TEAD1: variants seen among roughly 807,000 people sequenced by gnomAD.
TEAD1 encodes the protein TEA domain transcription factor 1.
A neutral mutation model predicts 54.9 loss-of-function variants in TEAD1; 9 were observed. The observed-to-expected ratio is 0.16, with a 90% CI of 0.10 to 0.29. TEAD1 has a LOEUF of 0.29. Ranked by LOEUF, TEAD1 falls within the 10% of genes least tolerant of loss-of-function variation. The pLI is 1.00. For missense variants in TEAD1, 387 were observed against 535.9 expected (o/e 0.72, Z 2.74); for synonymous variants, 200 against 187.8 (o/e 1.07, Z -0.53).
chr11:12,719,949 G>GTTTTTTTTTTTTT (rs1200965763), intron 2 of TEAD1, among the ~76,000 whole-genome samples: 1 of 40,016 alleles, frequency 2.5e-5, no homozygotes, highest in African/African-American at 5.5e-5. Context: ...GAAATCTAAT[G>GTTTTTTTTTTTTT]TTTTTTTTTT....
chr11:12,798,416 A>G (rs528595368), intron 3 of TEAD1, among the ~76,000 whole-genome samples: 21 of 152,196 alleles, frequency 1.4e-4, no homozygotes, highest in Middle Eastern at 3.4e-3. Context: ...CTGGTGTTCT[A>G]TTTCCTCAGT....
intron 3 of TEAD1, among the ~76,000 whole-genome samples, chr11:12,777,894 C>G (rs16911580): frequency 1.3e-5 from 2 of 152,090 alleles, no homozygotes; most frequent in African/African-American, 4.8e-5. Flanking sequence ...GTTGAACATA[C>G]GCATTGTGAT....
chr11:12,786,170 A>G (rs1945673212), intron 3 of TEAD1, among the ~76,000 whole-genome samples: 1 of 152,182 alleles, frequency 6.6e-6, no homozygotes, highest in Non-Finnish European at 1.5e-5. Context: ...CTTTGCTGAG[A>G]CCAAGCCAAA....
In TEAD1 at chr11:12,938,864, G is replaced by A. The variant is rs916869223; in HGVS notation, c.*1642G>A. The stretch of plus-strand genomic sequence containing the variant: ...GTGGTAGGAACATGTGCACACAATA[G>A]AACATGAAATAAGTTTTTTAACTTG... On this transcript the variant is annotated 3_prime_UTR_variant, in exon 13 of 13. Coordinates refer to ENST00000527636, the MANE Select transcript of TEAD1 (RefSeq NM_021961.6). 10 of 152,208 alleles carry A rather than the reference G, an allele frequency of 6.6e-5. No homozygotes were observed. Among genetic ancestry groups the A allele is most frequent in the African/African-American group, 2.4e-4 (10 of 41,460 alleles). 9.4% of individuals were successfully genotyped at this position (152,208 alleles called of 1,614,324 possible).
chr11:12,720,986 A>G (rs1473798222), intron 2 of TEAD1, among the ~76,000 whole-genome samples: 1 of 152,130 alleles, frequency 6.6e-6, no homozygotes, highest in Non-Finnish European at 1.5e-5. Context: ...TGTACCTTGG[A>G]TTTCCTTTGG....
intron 3 of TEAD1, among the ~76,000 whole-genome samples, chr11:12,858,453 G>A (rs1338736849): frequency 1.3e-5 from 2 of 152,134 alleles, no homozygotes; most frequent in Non-Finnish European, 2.9e-5. Context: ...CAATGAAGTA[G>A]CTCATTTAGA....
At chr11:12,746,499 A>G (rs1233115327) in intron 2 of TEAD1, among the ~76,000 whole-genome samples, 1 of 152,268 alleles carries the variant, frequency 6.6e-6, no homozygotes, top group Non-Finnish European at 1.5e-5. Context: ...TTTAGAGTTA[A>G]GTATAATATA....
At chr11:12,917,237 G>C (rs777199703) in intron 10 of TEAD1, among the ~76,000 whole-genome samples, 1 of 152,110 alleles carries the variant, frequency 6.6e-6, no homozygotes, top group Non-Finnish European at 1.5e-5. Flanking sequence ...GGTGTTTCTG[G>C]CTTTGAAAAT....
chr11:12,877,738 C>T (rs1229131965), intron 5 of TEAD1, among the ~76,000 whole-genome samples: 1 of 149,688 alleles, frequency 6.7e-6, no homozygotes, highest in Non-Finnish European at 1.5e-5. Flanking sequence ...TCCTTTTTTC[C>T]TCCCTTCCTC....
At chr11:12,738,328 G>A (rs547794617) in intron 2 of TEAD1, among the ~76,000 whole-genome samples, 2 of 152,272 alleles carry the variant, frequency 1.3e-5, no homozygotes, top group South Asian at 4.1e-4. Flanking sequence ...TAAAAATTTA[G>A]CATCAATAAA....
intron 5 of TEAD1, among the ~76,000 whole-genome samples, chr11:12,876,508 A>G (rs983906885): frequency 1.3e-5 from 2 of 152,146 alleles, no homozygotes; most frequent in Non-Finnish European, 2.9e-5. Flanking sequence ...GAGAGGATCC[A>G]CGATGTTCTT....
chr11:12,763,830 G>A (rs1036889360), intron 2 of TEAD1, among the ~76,000 whole-genome samples: 1 of 152,216 alleles, frequency 6.6e-6, no homozygotes, highest in African/African-American at 2.4e-5. Context: ...CTCCGAGTGA[G>A]TACCATTCTT....
chr11:12,882,159 C>T (rs1947986171), intron 8 of TEAD1, among the ~76,000 whole-genome samples: 1 of 152,174 alleles, frequency 6.6e-6, no homozygotes, highest in Non-Finnish European at 1.5e-5. Flanking sequence ...AAGAGCTTTT[C>T]AGATGGTTTG....
intron 3 of TEAD1, among the ~76,000 whole-genome samples, chr11:12,787,695 A>C (rs2133956929): frequency 1.3e-5 from 2 of 152,328 alleles, no homozygotes; most frequent in Middle Eastern, 3.4e-3. Flanking sequence ...TAAAAACTTA[A>C]AGCCAACATA....
At chr11:12,851,247 A>T (rs914793129) in intron 3 of TEAD1, among the ~76,000 whole-genome samples, 1 of 152,204 alleles carries the variant, frequency 6.6e-6, no homozygotes, top group African/African-American at 2.4e-5. Context: ...AGAGGAGGAG[A>T]GAGGAAACGG....
At chr11:12,745,037 G>C (rs1944719598) in intron 2 of TEAD1, among the ~76,000 whole-genome samples, 1 of 152,170 alleles carries the variant, frequency 6.6e-6, no homozygotes, top group Admixed American at 6.5e-5. Context: ...TTTTAAACCT[G>C]GTCAGGGAGT....
At chr11:12,883,349 C>T (rs928639274) in intron 9 of TEAD1, among the ~76,000 whole-genome samples, 1 of 152,148 alleles carries the variant, frequency 6.6e-6, no homozygotes, top group Non-Finnish European at 1.5e-5. Flanking sequence ...CTGTCCTGGA[C>T]CCCAAGGTGC....
intron 3 of TEAD1, among the ~76,000 whole-genome samples, chr11:12,785,501 G>A (rs903602657): frequency 3.3e-5 from 5 of 152,168 alleles, no homozygotes; most frequent in African/African-American, 1.2e-4. Context: ...AATAAATGGG[G>A]GCAATGTTAA....
intron 2 of TEAD1, among the ~76,000 whole-genome samples, chr11:12,700,516 A>C (rs1943677252): frequency 6.6e-6 from 1 of 152,236 alleles, no homozygotes; most frequent in Non-Finnish European, 1.5e-5. Flanking sequence ...AAATGATGTT[A>C]TACCTGTGGG....
Sources: gnomAD v4.1 joint callset for allele counts (sites outside exome capture counted in the v4.1 genomes callset) on GRCh38, gnomAD v4.1.1 for gene constraint, MANE v1.5 for transcripts, NCBI Gene and HGNC (gene_info 2026-07-23, HGNC 2026-07-21) for gene names.